The following RHPN2 variants were observed in gnomAD, a reference collection of about 807,000 sequenced individuals.
RHPN2 encodes rhophilin Rho GTPase binding protein 2.
RHPN2 carries 40 observed loss-of-function variants against 79.0 expected under a neutral mutation model. The observed-to-expected ratio is 0.51, with a 90% confidence interval of 0.39 to 0.66. The LOEUF (loss-of-function observed/expected upper bound fraction) is 0.66, where lower values mean the gene tolerates loss of function less well. RHPN2 is among the 30% of genes least tolerant of loss of function. The pLI is 0.00. For synonymous variants in RHPN2, 285 were observed against 363.5 expected (o/e 0.78, Z 2.46); for missense variants, 686 against 883.5 (o/e 0.78, Z 2.83).
chr19:33,003,113 C>T, intron 7 of RHPN2, 113 bp from the exon 8 acceptor site: 1 of 915,354 alleles, frequency 1.1e-6, no homozygotes. Flanking sequence ...AATCCCAACA[C>T]TTTGGGAGGC....
intron 14 of RHPN2, among the ~76,000 whole-genome samples, chr19:32,989,932 C>T (rs1472293430): frequency 3.9e-5 from 6 of 152,084 alleles, no homozygotes; most frequent in Middle Eastern, 6.8e-3. Flanking sequence ...GTGAGACCCC[C>T]GTCTCTACTA....
intron 4 of RHPN2, 151 bp downstream of exon 4, chr19:33,021,420 G>A: frequency 1.4e-6 from 1 of 689,844 alleles, no homozygotes; most frequent in Non-Finnish European, 2.6e-6. Context: ...GCAGTTGTAT[G>A]ATCACAACTC....
chr19:32,992,204 C>A, intron 12 of RHPN2: 1 of 523,928 alleles, frequency 1.9e-6, no homozygotes, highest in Non-Finnish European at 3.5e-6. Context: ...TATTAATTAT[C>A]TTTTTCTCTT....
At chr19:32,980,901 G>A (rs1319880808) in intron 14 of RHPN2, among the ~76,000 whole-genome samples, 4 of 151,272 alleles carry the variant, frequency 2.6e-5, no homozygotes, top group Non-Finnish European at 5.9e-5. Context: ...GTAGTGGTAC[G>A]ATCTCGGCTC....
At chr19:33,035,022 C>T (rs1206186970) in intron 2 of RHPN2, among the ~76,000 whole-genome samples, 1 of 151,996 alleles carries the variant, frequency 6.6e-6, no homozygotes, top group Non-Finnish European at 1.5e-5. Flanking sequence ...CGCTGGAGTG[C>T]AGTGGTACGA....
intron 1 of RHPN2, among the ~76,000 whole-genome samples, chr19:33,063,334 T>C (rs1972297905): frequency 6.6e-6 from 1 of 152,084 alleles, no homozygotes; most frequent in Non-Finnish European, 1.5e-5. Flanking sequence ...TGCCCCACAC[T>C]GTCCTGCCCA....
intron 14 of RHPN2, 25 bp from the exon 15 acceptor site, chr19:32,980,281 G>A (rs762273250): frequency 9.9e-6 from 16 of 1,613,842 alleles, no homozygotes; most frequent in Non-Finnish European, 1.4e-5. Context: ...GTAAGAAAAA[G>A]GGCGTCAGGC....
rs572403646 is a variant in RHPN2 at position 33,061,260 on chromosome 19, G to A, written c.69+3524C>T. ...TTTTTTTTTTTTGAGACGGAGTCTC[G>A]CTCTGTCACCCAGGCAGTGGCGCAA... On this transcript the variant is annotated intron_variant, in intron 1 of 14. Coordinates refer to ENST00000254260, the MANE Select transcript of RHPN2 (RefSeq NM_033103.5). 1.3e-4 allele frequency among the ~76,000 whole-genome samples: 17 copies of A among 132,198 alleles called. No homozygotes were observed. The South Asian group carries it at 3.5e-3, about 27-fold the overall frequency. 86.7% of individuals were successfully genotyped at this position (132,198 alleles called of 152,430 possible).
rs1470691652 is a variant in RHPN2 at position 33,011,662 on chromosome 19, A to C, written c.593+17T>G. 1 of 1,613,972 alleles carries C rather than the reference A, an allele frequency of 6.2e-7. No homozygotes were observed. Among genetic ancestry groups the C allele is most frequent in the South Asian group, 1.1e-5 (1 of 91,080 alleles). Reference sequence around the variant, plus strand: ...GCCATAACACGTGAAGCGCCAGCGCAGACCTCAAGCACCTACCAGGTGAAC... The same window carrying C: ...GCCATAACACGTGAAGCGCCAGCGCCGACCTCAAGCACCTACCAGGTGAAC... On this transcript the variant is annotated intron_variant, in intron 6 of 14. Transcript: ENST00000254260.
At chr19:33,059,885 C>T (rs1210378118) in intron 1 of RHPN2, among the ~76,000 whole-genome samples, 1 of 152,322 alleles carries the variant, frequency 6.6e-6, no homozygotes, top group Middle Eastern at 3.4e-3. Context: ...TTTCCTCCCA[C>T]CTCTCTACCC....
Position 33,002,954 on chromosome 19 carries a change from G to A in RHPN2, c.807C>T (p.Tyr269=), listed in dbSNP as rs751109753. The A allele has an allele frequency of 3.7e-5, 60 of 1,613,786 alleles. No homozygotes were observed. Among genetic ancestry groups the A allele is most frequent in the Middle Eastern group, 1.6e-4 (1 of 6,078 alleles). Residue 269 remains tyrosine, a synonymous_variant, in exon 8 of 15, where the codon TAC becomes TAT. Coordinates refer to ENST00000254260, the MANE Select transcript of RHPN2 (RefSeq NM_033103.5). Reference sequence around the variant, plus strand: ...CGCTGAGCATGGCAGGGCTCATGTCGTAACTTGGAGTATGGGTAAATGTGT... The same window carrying A: ...CGCTGAGCATGGCAGGGCTCATGTCATAACTTGGAGTATGGGTAAATGTGT... The part of the protein sequence containing the change: ...LKDTFTHTPS[Y]DMSPAMLSVL...
chr19:32,999,680 G>C lies in RHPN2; in HGVS notation c.1131C>G (p.His377Gln). Residue 377 changes from histidine (H) to glutamine (Q), a missense_variant, in exon 10 of 15, where the codon CAC (histidine) becomes CAG (glutamine). By Grantham distance (24) the His-to-Gln change is conservative. Transcript: ENST00000254260. ...HQVKPGTDLD[H>Q]QEKCLSQLYD... ...AGAGCTGGGACAGGCACTTCTCCTG[G>C]TGGTCCAGATCCGTGCCTGGCTTCA... 1.2e-6 allele frequency: 2 copies of C among 1,612,940 alleles called. No individual in the cohort carries two copies. The highest frequency in any genetic ancestry group is 2.2e-5 in the South Asian group (2 of 91,006).
At chr19:33,033,674 G>A (rs1209641531) in intron 2 of RHPN2, among the ~76,000 whole-genome samples, 1 of 152,102 alleles carries the variant, frequency 6.6e-6, no homozygotes, top group African/African-American at 2.4e-5. Flanking sequence ...TTGGAGACCA[G>A]CCTGACCAAC....
At chr19:33,009,740 C>A (rs138617504) in intron 6 of RHPN2, among the ~76,000 whole-genome samples, 356 of 152,198 alleles carry the variant, frequency 2.3e-3, no homozygotes, top group African/African-American at 8.4e-3. Flanking sequence ...CAGATATGAG[C>A]CACCACACCC....
At chr19:33,044,768 C>T (rs1173761499) in intron 1 of RHPN2, among the ~76,000 whole-genome samples, 1 of 152,116 alleles carries the variant, frequency 6.6e-6, no homozygotes, top group African/African-American at 2.4e-5. Flanking sequence ...GTGGTGGGCG[C>T]CTATAATCCC....
At chr19:33,055,434 C>G (rs1972224031) in intron 1 of RHPN2, among the ~76,000 whole-genome samples, 2 of 151,910 alleles carry the variant, frequency 1.3e-5, no homozygotes, top group Admixed American at 1.3e-4. Context: ...AACCTTTACT[C>G]TCCTCTGCCT....
intron 3 of RHPN2, among the ~76,000 whole-genome samples, chr19:33,022,704 T>A (rs890230256): frequency 2.0e-5 from 3 of 152,140 alleles, no homozygotes; most frequent in African/African-American, 7.2e-5. Flanking sequence ...CAAACAAGGA[T>A]TTAGCTCCCT....
intron 2 of RHPN2, among the ~76,000 whole-genome samples, chr19:33,032,000 G>A (rs1197166407): frequency 1.3e-5 from 2 of 148,774 alleles, no homozygotes; most frequent in East Asian, 2.0e-4. Context: ...TTACAGGCGT[G>A]AGCCACCGGG....
intron 1 of RHPN2, among the ~76,000 whole-genome samples, chr19:33,048,001 A>G (rs1297490526): frequency 6.6e-6 from 1 of 152,054 alleles, no homozygotes; most frequent in Admixed American, 6.6e-5. Flanking sequence ...CCCATCCCCC[A>G]CATAGCCCCA....
Sources: gnomAD v4.1 joint callset for allele counts (sites outside exome capture counted in the v4.1 genomes callset) on GRCh38, gnomAD v4.1.1 for gene constraint, MANE v1.5 for transcripts, NCBI Gene and HGNC (gene_info 2026-07-23, HGNC 2026-07-21) for gene names.